SND1: variants seen among roughly 807,000 people sequenced by gnomAD.
SND1 encodes the protein staphylococcal nuclease domain-containing protein 1.
In SND1, 38 loss-of-function variants were observed where a neutral mutation model predicts 121.7. The ratio of observed to expected loss-of-function variants is 0.31; its 90% confidence interval spans 0.24 to 0.41. SND1 has a LOEUF of 0.41. Ranked by LOEUF, SND1 falls within the 10% of genes least tolerant of loss-of-function variation. The pLI, the probability that SND1 is intolerant of heterozygous loss-of-function variation, is 1.00. For missense variants in SND1, 868 were observed against 1,184.6 expected (o/e 0.73, Z 3.92); for synonymous variants, 401 against 447.4 (o/e 0.90, Z 1.31).
At chr7:127,756,849 C>G (rs957951485) in intron 10 of SND1, among the ~76,000 whole-genome samples, 1 of 152,158 alleles carries the variant, frequency 6.6e-6, no homozygotes, top group Non-Finnish European at 1.5e-5. Flanking sequence ...CTTCCTAATA[C>G]TAATAAAAAT....
intron 15 of SND1, among the ~76,000 whole-genome samples, chr7:127,972,675 G>T (rs545722857): frequency 6.6e-6 from 1 of 152,176 alleles, no homozygotes. Context: ...TGCCCTCTGG[G>T]TTCAAGCAAT....
At chr7:127,797,199 G>A (rs1040267811) in intron 10 of SND1, among the ~76,000 whole-genome samples, 1 of 152,078 alleles carries the variant, frequency 6.6e-6, no homozygotes, top group African/African-American at 2.4e-5. Context: ...GGGCTATTTT[G>A]CTGATTCTTA....
At position 127,956,830 on chromosome 7, in the gene SND1, T is replaced by C. The variant is rs116076790; in HGVS notation, c.1669+27501T>C. 5.9e-3 allele frequency among the ~76,000 whole-genome samples: 903 copies of C among 152,338 alleles called. 16 individuals carry two copies. The highest frequency in any genetic ancestry group is 0.021 in the African/African-American group (861 of 41,566). ...ATCTCTTGTTTATTTTATTAGATAT[T>C]ACTTACCACCTTCTATCACATTGTA... On this transcript the variant is annotated intron_variant, in intron 15 of 23. Coordinates refer to ENST00000354725, the MANE Select transcript of SND1 (RefSeq NM_014390.4).
At chr7:127,989,004 A>G (rs958864761) in intron 15 of SND1, among the ~76,000 whole-genome samples, 1 of 152,256 alleles carries the variant, frequency 6.6e-6, no homozygotes, top group Non-Finnish European at 1.5e-5. Flanking sequence ...ATATAAAAAG[A>G]AAAGTGTTTT....
intron 16 of SND1, among the ~76,000 whole-genome samples, chr7:128,063,803 C>T (rs1417055640): frequency 2.6e-5 from 4 of 152,204 alleles, no homozygotes; most frequent in African/African-American, 7.2e-5. Flanking sequence ...AGTCATAGGA[C>T]GGAACATTCC....
chr7:127,947,299 A>G (rs973961517), intron 15 of SND1, among the ~76,000 whole-genome samples: 3 of 152,234 alleles, frequency 2.0e-5, no homozygotes, highest in African/African-American at 7.2e-5. Flanking sequence ...AAATGTGTAC[A>G]TCTCAGGATA....
At position 128,086,944 on chromosome 7, in the gene SND1, G is replaced by A. The variant is rs150774561; in HGVS notation, c.2311G>A (p.Val771Ile). 1.2e-6 allele frequency: 2 copies of A among 1,613,816 alleles called. No homozygotes were observed. The highest frequency in any genetic ancestry group is 2.7e-5 in the African/African-American group (2 of 74,928). Residue 771 changes from valine to isoleucine, a missense_variant, in exon 21 of 24, where the codon GTC becomes ATC. Val to Ile is a conservative substitution (Grantham distance 29, BLOSUM62 3). Transcript: ENST00000354725. Reference protein sequence around the residue: ...VFYIDYGNREVLPSTRLGTLS... With the variant: ...VFYIDYGNREILPSTRLGTLS... The stretch of plus-strand genomic sequence containing the variant: ...CCTGCTGCTTCCTCTGCAGAGAGAG[G>A]TCCTGCCATCCACCCGCCTGGGTAC...
chr7:127,652,438 G>A lies in SND1; in HGVS notation c.65G>A (p.Gly22Asp), dbSNP rs1795138661. 6.4e-7 allele frequency: 1 copy of A among 1,572,830 alleles called. No individual in the cohort carries two copies. Among genetic ancestry groups the A allele is most frequent in the Non-Finnish European group, 8.6e-7 (1 of 1,157,458 alleles). The change falls in exon 1 of 24, where the codon GGC (glycine) becomes GAC (aspartate). Residue 22 changes from glycine to aspartate, a missense_variant. Gly to Asp is a moderately conservative substitution (Grantham distance 94). Around this residue, in one of 2 missense-constraint regions of SND1, gnomAD observed 125 missense variants for 113.3 expected, o/e 1.10. Coordinates refer to ENST00000354725, the MANE Select transcript of SND1 (RefSeq NM_014390.4). ...GGPAVPTVQR[G>D]IIKMVLSGCA... The stretch of plus-strand genomic sequence containing the variant: ...CCCGCGGTCCCCACCGTGCAGCGGG[G>A]CATCATCAAGATGGTGAGAACGGGC...
chr7:127,676,351 T>C (rs1164420588), intron 1 of SND1, among the ~76,000 whole-genome samples: 1 of 152,248 alleles, frequency 6.6e-6, no homozygotes, highest in East Asian at 1.9e-4. Flanking sequence ...AAGGATCTTA[T>C]GTAATAATAC....
chr7:127,960,567 GAATAATT>G (rs1415117278), intron 15 of SND1, among the ~76,000 whole-genome samples: 3 of 152,178 alleles, frequency 2.0e-5, no homozygotes, highest in Non-Finnish European at 4.4e-5. Context: ...AAGTAATGAT[GAATAATT>G]AATAAAGTGC....
At chr7:127,849,997 G>A (rs1316385798) in intron 12 of SND1, among the ~76,000 whole-genome samples, 9 of 152,132 alleles carry the variant, frequency 5.9e-5, no homozygotes, top group African/African-American at 1.9e-4. Context: ...CGTGGATAGC[G>A]CTTACCTTTA....
chr7:127,746,367 C>T (rs1796983146), intron 10 of SND1, among the ~76,000 whole-genome samples: 1 of 152,196 alleles, frequency 6.6e-6, no homozygotes, highest in African/African-American at 2.4e-5. Flanking sequence ...TTCTTGCCCG[C>T]TACACCAGCA....
chr7:127,964,654 G>A (rs944727290), intron 15 of SND1, among the ~76,000 whole-genome samples: 13 of 151,768 alleles, frequency 8.6e-5, no homozygotes, highest in East Asian at 5.8e-4. Flanking sequence ...TTTGGTTACC[G>A]TAGCCTTGTA....
chr7:127,695,777 G>C (rs1231055669), intron 3 of SND1, among the ~76,000 whole-genome samples: 3 of 152,188 alleles, frequency 2.0e-5, no homozygotes, highest in Non-Finnish European at 4.4e-5. Context: ...GGTGAGCCAT[G>C]ATCATGCCAC....
At chr7:127,798,266 C>G (rs1354174785) in intron 10 of SND1, among the ~76,000 whole-genome samples, 1 of 152,158 alleles carries the variant, frequency 6.6e-6, no homozygotes, top group African/African-American at 2.4e-5. Flanking sequence ...GTAATCAAGA[C>G]TGTTTCTTGG....
chr7:127,688,246 C>T (rs1011466256), intron 2 of SND1, among the ~76,000 whole-genome samples: 1 of 152,146 alleles, frequency 6.6e-6, no homozygotes, highest in African/African-American at 2.4e-5. Context: ...ACCCCTCAGC[C>T]TCTAATGCCC....
At chr7:127,725,009 A>C (rs1796557361) in intron 10 of SND1, among the ~76,000 whole-genome samples, 1 of 152,170 alleles carries the variant, frequency 6.6e-6, no homozygotes, top group South Asian at 2.1e-4. Flanking sequence ...TTACTAAAAG[A>C]AAAAAGAAAA....
chr7:127,874,097 A>G (rs1240916765), intron 12 of SND1, among the ~76,000 whole-genome samples: 1 of 152,166 alleles, frequency 6.6e-6, no homozygotes, highest in African/African-American at 2.4e-5. Flanking sequence ...ACACCACTGT[A>G]AATGAAATTT....
At chr7:128,053,007 T>C (rs974759016) in intron 16 of SND1, among the ~76,000 whole-genome samples, 1 of 152,340 alleles carries the variant, frequency 6.6e-6, no homozygotes, top group East Asian at 1.9e-4. Context: ...TCAAATGCAT[T>C]GAATAAAAAA....
Sources: gnomAD v4.1 joint callset for allele counts (sites outside exome capture counted in the v4.1 genomes callset) on GRCh38, gnomAD v4.1.1 for gene constraint, gnomAD v4.1.1 regional missense constraint, MANE v1.5 for transcripts, NCBI Gene and HGNC (gene_info 2026-07-23, HGNC 2026-07-21) for gene names.